TNS3: variants seen among roughly 807,000 people sequenced by gnomAD.
TNS3 encodes tensin-3.
In TNS3, 45 loss-of-function variants were observed where a neutral mutation model predicts 140.9. That is an observed-to-expected ratio of 0.32 (90% CI 0.25 to 0.41). The LOEUF (loss-of-function observed/expected upper bound fraction) is 0.41. TNS3 is among the 10% of genes least tolerant of loss of function. TNS3 has a pLI of 1.00. For missense variants in TNS3, 1,716 were observed against 1,906.7 expected, an observed-to-expected ratio of 0.90 and a Z score of 1.86; for synonymous variants, 815 against 788.4, an observed-to-expected ratio of 1.03 and a Z score of -0.56.
intron 1 of TNS3, among the ~76,000 whole-genome samples, chr7:47,573,237 C>A (rs1800598620): frequency 6.6e-6 from 1 of 152,234 alleles, no homozygotes; most frequent in Non-Finnish European, 1.5e-5. Flanking sequence ...CGCCCTGATA[C>A]AAGCCAGCAG....
rs1231546896 is a variant in TNS3 at position 47,283,740 on chromosome 7, T to C, written c.4054A>G (p.Lys1352Glu). The C allele has an allele frequency of 2.5e-6, 4 of 1,604,904 alleles. No homozygotes were observed. The highest frequency in any genetic ancestry group is 3.4e-6 in the Non-Finnish European group (4 of 1,175,872). ...PPPVSTVVHF[K>E]VSAQGITLTD... is the part of the protein sequence containing the mutation. ...AGGGTGATGCCCTGGGCTGACACCT[T>C]GAAGTGCACAACTGTGGACACAGGT... is the stretch of plus-strand genomic sequence containing the variant. Residue 1352 changes from lysine to glutamate, a missense_variant, in exon 28 of 31, where the codon AAG (lysine) becomes GAG (glutamate). Lys to Glu is a moderately conservative substitution (Grantham distance 56). Coordinates refer to ENST00000311160, the MANE Select transcript of TNS3 (RefSeq NM_022748.12).
At chr7:47,535,258 C>T (rs531308275) in intron 1 of TNS3, among the ~76,000 whole-genome samples, 2 of 152,354 alleles carry the variant, frequency 1.3e-5, no homozygotes, top group South Asian at 4.1e-4. Context: ...TTTCATTCCT[C>T]ACAAATACCT....
intron 1 of TNS3, among the ~76,000 whole-genome samples, chr7:47,566,291 C>T (rs143522392): frequency 7.7e-4 from 118 of 152,322 alleles, no homozygotes; most frequent in African/African-American, 2.7e-3. Context: ...AGGCATCTAT[C>T]ATTTGGCAGT....
chr7:47,532,776 T>C (rs992411807), intron 1 of TNS3, among the ~76,000 whole-genome samples: 3 of 152,104 alleles, frequency 2.0e-5, no homozygotes, highest in Admixed American at 2.0e-4. Context: ...AAGACTATTA[T>C]AAGGCTCTCA....
chr7:47,359,251 G>A (rs1256741330), intron 17 of TNS3, among the ~76,000 whole-genome samples: 7 of 152,222 alleles, frequency 4.6e-5, no homozygotes, highest in Admixed American at 2.6e-4. Context: ...TAACACGTCC[G>A]GCTCGAAAAC....
Position 47,369,576 on chromosome 7 carries a change from A to T in TNS3, c.1070T>A (p.Val357Glu), listed in dbSNP as rs772911420. 1.2e-6 allele frequency: 2 copies of T among 1,606,958 alleles called. No homozygotes were observed. Among genetic ancestry groups the T allele is most frequent in the South Asian group, 2.2e-5 (2 of 89,894 alleles). ...AGGATCCGAGGAGCTTTTCTTCCTC[A>T]CCTTCGCGTAAAGGCTGCCATCGAC... ...GPVDGSLYAK[V>E]RKKSSSDPGI... is the part of the protein sequence containing the mutation. Residue 357 changes from valine (V) to glutamate (E), a missense_variant, in exon 17 of 31, where the codon GTG becomes GAG. By Grantham distance (121) the Val-to-Glu change is moderately radical. Transcript: ENST00000311160.
chr7:47,518,401 CGCCAGAT>C (rs1283661249), intron 2 of TNS3, among the ~76,000 whole-genome samples: 3 of 152,208 alleles, frequency 2.0e-5, no homozygotes. Context: ...CACCTCCCCA[CGCCAGAT>C]CTGCCCAAGA....
intron 16 of TNS3, among the ~76,000 whole-genome samples, chr7:47,380,182 C>T (rs981391195): frequency 2.0e-5 from 3 of 152,220 alleles, no homozygotes; most frequent in Admixed American, 6.5e-5. Context: ...GCCAAGGTGC[C>T]CCCACAGCCG....
chr7:47,470,410 C>A, intron 4 of TNS3: 1 of 966,332 alleles, frequency 1.0e-6, no homozygotes, highest in South Asian at 4.8e-5. Context: ...ACTCTAGAAT[C>A]TGTGCCATAA....
chr7:47,478,793 T>C (rs960011307), intron 4 of TNS3, among the ~76,000 whole-genome samples: 1 of 152,098 alleles, frequency 6.6e-6, no homozygotes, highest in South Asian at 2.1e-4. Flanking sequence ...TGTGTGCGTA[T>C]AACAATTACA....
chr7:47,343,482 CAGG>C (rs1381258628), intron 20 of TNS3, among the ~76,000 whole-genome samples: 2 of 152,306 alleles, frequency 1.3e-5, no homozygotes, highest in African/African-American at 2.4e-5. Flanking sequence ...TTTGGTGTTG[CAGG>C]AGAAGACAGG....
At chr7:47,427,584 G>T (rs1182561499) in intron 9 of TNS3, among the ~76,000 whole-genome samples, 2 of 152,188 alleles carry the variant, frequency 1.3e-5, no homozygotes, top group African/African-American at 4.8e-5. Context: ...GGGTCCGGGT[G>T]TACACCACAG....
chr7:47,470,166 C>T (rs1208178343), intron 4 of TNS3, among the ~76,000 whole-genome samples: 2 of 151,938 alleles, frequency 1.3e-5, no homozygotes, highest in Non-Finnish European at 2.9e-5. Flanking sequence ...ACACTGAGCA[C>T]ACGTGAACAT....
intron 20 of TNS3, among the ~76,000 whole-genome samples, chr7:47,321,965 G>T (rs1006905070): frequency 6.6e-6 from 1 of 152,104 alleles, no homozygotes; most frequent in Non-Finnish European, 1.5e-5. Flanking sequence ...AGGTTTTCCT[G>T]ATGATGAACA....
rs571374927 is a variant in TNS3, at chr7:47,536,792, T to G, written c.-264-7645A>C. Among the ~76,000 whole-genome samples the G allele has an allele frequency of 1.4e-4, 21 of 152,296 alleles. No homozygotes were observed. In the South Asian group the frequency reaches 4.4e-3, roughly 32 times the overall value. ...AGGCACGGACCAGCGTACACATGCC[T>G]GCACACACAGACGCGCGCTCACAAG... On this transcript the variant is annotated intron_variant, in intron 1 of 30. Transcript: ENST00000311160.
chr7:47,368,795 T>C lies in TNS3; in HGVS notation c.1851A>G (p.Ala617=). The C allele has an allele frequency of 6.2e-7, 1 of 1,606,984 alleles. No individual in the cohort carries two copies. The highest frequency in any genetic ancestry group is 8.5e-7 in the Non-Finnish European group (1 of 1,177,300). The change falls in exon 17 of 31, where the codon GCA becomes GCG. Residue 617 remains alanine, a synonymous_variant. Transcript: ENST00000311160. The stretch of plus-strand genomic sequence containing the variant: ...GGGCCTGGACGAGGCCAGGATTGTC[T>C]GCAGGGCAGCGGCTCACCAGCCGGG... ...GEARLVSRCP[A]DNPGLVQAQP... is the part of the protein sequence containing the mutation.
intron 1 of TNS3, among the ~76,000 whole-genome samples, chr7:47,540,927 A>G (rs1335434243): frequency 1.3e-5 from 2 of 152,170 alleles, no homozygotes; most frequent in East Asian, 3.9e-4. Flanking sequence ...CTCCAACGTC[A>G]CAGGGGGCTC....
intron 1 of TNS3, among the ~76,000 whole-genome samples, chr7:47,543,698 G>C (rs1799852229): frequency 6.6e-6 from 1 of 152,140 alleles, no homozygotes; most frequent in African/African-American, 2.4e-5. Context: ...CGTGATGAAT[G>C]AGAGTCCACT....
chr7:47,407,432 G>A lies in TNS3; in HGVS notation c.723+4295C>T, dbSNP rs112851019. Among the ~76,000 whole-genome samples the A allele has an allele frequency of 4.0e-3, 602 of 152,318 alleles. 5 individuals are homozygous for A. The highest frequency in any genetic ancestry group is 0.014 in the African/African-American group (582 of 41,562). On this transcript the variant is annotated intron_variant, in intron 13 of 30. Transcript: ENST00000311160. This position sits in a 1 kb window ranked among gnomAD's most constrained non-coding sequence, Gnocchi z 4.1. ...GGAGCCCTGCACTGCCCACTCACGT[G>A]TCCACCGCATCTTCTCATGCAGGCC...
Sources: allele counts gnomAD v4.1 joint callset (sites outside exome capture counted in the v4.1 genomes callset), GRCh38; gene constraint gnomAD v4.1.1; non-coding constraint Gnocchi (gnomAD v3.1); transcripts MANE v1.5; gene names NCBI Gene and HGNC (gene_info 2026-07-23, HGNC 2026-07-21).